The following GBP7 variants were observed in gnomAD, a reference collection of about 807,000 sequenced individuals.
The protein encoded by GBP7 is guanylate-binding protein 7.
GBP7 carries 43 observed loss-of-function variants against 61.3 expected under a neutral mutation model. The observed-to-expected ratio is 0.70, with a 90% CI of 0.55 to 0.91. The LOEUF is 0.91. GBP7 is among the 40% of genes least tolerant of loss of function. The probability of loss-of-function intolerance (pLI) is 0.00; values close to 1 mark genes in which losing one functional copy is unlikely to be tolerated. For missense variants in GBP7, 717 were observed against 740.5 expected, an observed-to-expected ratio of 0.97 and a Z score of 0.37; for synonymous variants, 267 against 271.0, an observed-to-expected ratio of 0.99 and a Z score of 0.14.
At position 89,158,570 on chromosome 1, in the gene GBP7, A is replaced by G. The variant is rs916486253; in HGVS notation, c.319-5793T>C. On this transcript the variant is annotated intron_variant, in intron 3 of 10. Coordinates refer to ENST00000294671, the MANE Select transcript of GBP7 (RefSeq NM_207398.3). ...AAGCATTCTTATACACCAATAACAG[A>G]CAAACAGAAAGCCAAATCATGAGTG... Among the ~76,000 whole-genome samples, 32 of 152,330 alleles carry G rather than the reference A, an allele frequency of 2.1e-4. 1 individual carries two copies. The highest frequency in any genetic ancestry group is 7.7e-4 in the African/African-American group (32 of 41,562).
intron 2 of GBP7, among the ~76,000 whole-genome samples, chr1:89,167,677 A>T (rs1350094617): frequency 6.6e-6 from 1 of 152,218 alleles, no homozygotes; most frequent in Admixed American, 6.5e-5. Context: ...CTGGCCATGG[A>T]TGGGCAAGGT....
intron 2 of GBP7, among the ~76,000 whole-genome samples, chr1:89,168,065 A>C (rs940003130): frequency 1.3e-5 from 2 of 152,220 alleles, no homozygotes; most frequent in African/African-American, 4.8e-5. Flanking sequence ...ATTCCAGATG[A>C]ACTTTCAAGA....
chr1:89,175,307 C>A (rs1188286832), intron 1 of GBP7, among the ~76,000 whole-genome samples: 1 of 152,078 alleles, frequency 6.6e-6, no homozygotes, highest in Non-Finnish European at 1.5e-5. Flanking sequence ...GTTTATTTTT[C>A]TGTGATCATG....
chr1:89,142,682 A>G (rs1353886150), intron 8 of GBP7, among the ~76,000 whole-genome samples: 1 of 152,156 alleles, frequency 6.6e-6, no homozygotes, highest in Non-Finnish European at 1.5e-5. Flanking sequence ...AGGCATAAAT[A>G]CCTCAGCCAA....
At chr1:89,167,773 T>C (rs1462309585) in intron 2 of GBP7, among the ~76,000 whole-genome samples, 3 of 152,326 alleles carry the variant, frequency 2.0e-5, no homozygotes, top group Non-Finnish European at 4.4e-5. Context: ...AGGCAATGAC[T>C]GTCCACCAAC....
At chr1:89,146,821 C>A (rs1386223909) in intron 8 of GBP7, among the ~76,000 whole-genome samples, 1 of 151,976 alleles carries the variant, frequency 6.6e-6, no homozygotes, top group Non-Finnish European at 1.5e-5. Flanking sequence ...AAAAGGGAAC[C>A]CTTAGACACC....
intron 2 of GBP7, among the ~76,000 whole-genome samples, chr1:89,165,861 A>G (rs1647411820): frequency 6.6e-6 from 1 of 152,110 alleles, no homozygotes; most frequent in South Asian, 2.1e-4. Context: ...ACACGTGTAT[A>G]CCTACGTAAG....
At chr1:89,160,875 A>G (rs1430651031) in intron 3 of GBP7, among the ~76,000 whole-genome samples, 3 of 151,744 alleles carry the variant, frequency 2.0e-5, no homozygotes, top group African/African-American at 7.3e-5. Flanking sequence ...ATATTATTTC[A>G]TCTCCCAGGT....
intron 3 of GBP7, among the ~76,000 whole-genome samples, chr1:89,154,576 A>C (rs1682271286): frequency 6.6e-6 from 1 of 151,372 alleles, no homozygotes; most frequent in Non-Finnish European, 1.5e-5. Context: ...TGAACTCCTG[A>C]CCTCAGGTGA....
intron 3 of GBP7, among the ~76,000 whole-genome samples, chr1:89,158,375 G>T (rs999551864): frequency 6.6e-6 from 1 of 152,224 alleles, no homozygotes; most frequent in Non-Finnish European, 1.5e-5. Context: ...TTAGGCAAGA[G>T]AAGGAAATAA....
intron 9 of GBP7, among the ~76,000 whole-genome samples, chr1:89,137,371 A>G (rs904911883): frequency 8.5e-5 from 13 of 152,202 alleles, no homozygotes; most frequent in Non-Finnish European, 8.8e-5. Flanking sequence ...AATGCAGGAC[A>G]ATATTCCTGA....
intron 3 of GBP7, among the ~76,000 whole-genome samples, chr1:89,160,338 T>C (rs934326433): frequency 6.6e-5 from 10 of 152,152 alleles, no homozygotes; most frequent in African/African-American, 2.4e-4. Flanking sequence ...TGTGCACATG[T>C]ACCCTAGAAC....
chr1:89,155,368 G>A (rs905495839), intron 3 of GBP7, among the ~76,000 whole-genome samples: 1 of 152,208 alleles, frequency 6.6e-6, no homozygotes, highest in African/African-American at 2.4e-5. Context: ...GACAAGTTGA[G>A]AGAAGAAGGC....
intron 8 of GBP7, among the ~76,000 whole-genome samples, chr1:89,145,107 C>T (rs1361945180): frequency 6.6e-6 from 1 of 152,052 alleles, no homozygotes; most frequent in Non-Finnish European, 1.5e-5. Flanking sequence ...CATGCACCAC[C>T]ATGCCAGGCT....
intron 8 of GBP7, among the ~76,000 whole-genome samples, chr1:89,144,738 G>A (rs1682027533): frequency 6.6e-6 from 1 of 151,960 alleles, no homozygotes; most frequent in Non-Finnish European, 1.5e-5. Context: ...TTTTGTGTGT[G>A]TGTGGTGGGA....
At chr1:89,173,929 C>T (rs1647670329) in intron 1 of GBP7, among the ~76,000 whole-genome samples, 1 of 152,154 alleles carries the variant, frequency 6.6e-6, no homozygotes, top group Admixed American at 6.6e-5. Context: ...TCCATAGATA[C>T]CCAATCTTGT....
intron 3 of GBP7, among the ~76,000 whole-genome samples, chr1:89,157,529 C>T (rs574706214): frequency 5.9e-5 from 9 of 152,106 alleles, no homozygotes; most frequent in South Asian, 4.2e-4. Context: ...GGCATATCAC[C>T]GCCGATCCCA....
chr1:89,173,502 A>G (rs1009321452), intron 1 of GBP7, among the ~76,000 whole-genome samples: 1 of 152,210 alleles, frequency 6.6e-6, no homozygotes, highest in Non-Finnish European at 1.5e-5. Flanking sequence ...ATATTCATAT[A>G]GTAGTTTCAA....
rs561676593 is a variant in GBP7, at chr1:89,165,553, T to G, written c.191-695A>C. Among the ~76,000 whole-genome samples the G allele has an allele frequency of 4.0e-5, 6 of 150,144 alleles. No individual in the cohort carries two copies. The East Asian group carries it at 1.2e-3, about 29-fold the overall frequency. On this transcript the variant is annotated intron_variant, in intron 2 of 10. Coordinates refer to ENST00000294671, the MANE Select transcript of GBP7 (RefSeq NM_207398.3). ...GAAGTGATTAAGTCATGAAGGGTCA[T>G]GTCCTCAGTAATAAAGTTAATGCCC...
Sources: gnomAD v4.1 joint callset for allele counts (sites outside exome capture counted in the v4.1 genomes callset) on GRCh38, gnomAD v4.1.1 for gene constraint, MANE v1.5 for transcripts, NCBI Gene and HGNC (gene_info 2026-07-23, HGNC 2026-07-21) for gene names.